DMD: variants seen among roughly 807,000 people sequenced by gnomAD.
DMD encodes the protein mutant dystrophin.
In DMD, 63 loss-of-function variants were observed where a neutral mutation model predicts 330.1. That is an observed-to-expected ratio of 0.19 (90% CI 0.16 to 0.24). The LOEUF (loss-of-function observed/expected upper bound fraction) is 0.24, where lower values mean the gene tolerates loss of function less well. Ranked by LOEUF, DMD falls within the 10% of genes least tolerant of loss-of-function variation. The pLI, the probability that DMD is intolerant of heterozygous loss-of-function variation, is 1.00. For synonymous variants in DMD, 1,223 were observed against 959.8 expected (o/e 1.27, Z -5.07); for missense variants, 3,344 against 2,684.1 (o/e 1.25, Z -5.43).
At chrX:32,394,711 A>C (rs757694215) in intron 30 of DMD, among the ~76,000 whole-genome samples, 78 of 109,956 alleles carry the variant, frequency 7.1e-4, no homozygotes, top group African/African-American at 2.5e-3. Context: ...AGACTGTGAA[A>C]GGAAACTGAT....
intron 17 of DMD, among the ~76,000 whole-genome samples, chrX:32,525,623 C>T (rs966854393): frequency 5.4e-5 from 6 of 111,224 alleles, no homozygotes; most frequent in Non-Finnish European, 9.4e-5. Context: ...TGTGGTTTGT[C>T]GTGTAGTTTT....
At chrX:32,702,938 C>T (rs924732131) in intron 7 of DMD, among the ~76,000 whole-genome samples, 8 of 111,360 alleles carry the variant, frequency 7.2e-5, no homozygotes, top group Admixed American at 9.6e-5. Context: ...GATTGTTCTG[C>T]AGCCATGGTA....
At chrX:31,358,630 A>G (rs953823610) in intron 60 of DMD, among the ~76,000 whole-genome samples, 4 of 112,655 alleles carry the variant, frequency 3.6e-5, no homozygotes, top group Admixed American at 9.4e-5. Context: ...AACGTATAGC[A>G]GTGAACTCCA....
At chrX:32,355,616 A>G (rs750292526) in intron 37 of DMD, among the ~76,000 whole-genome samples, 1 of 111,886 alleles carries the variant, frequency 8.9e-6, no homozygotes. Context: ...CGAAGTTTCA[A>G]TGGACTTAAC....
intron 62 of DMD, among the ~76,000 whole-genome samples, chrX:31,263,499 T>C (rs753748365): frequency 8.9e-6 from 1 of 112,032 alleles, no homozygotes; most frequent in Non-Finnish European, 1.9e-5. Context: ...TCGGCAAAAC[T>C]GAAAATCTCC....
At chrX:31,217,081 C>CT in intron 64 of DMD, among the ~76,000 whole-genome samples, 1 of 111,003 alleles carries the variant, frequency 9.0e-6, no homozygotes, top group East Asian at 2.8e-4. Context: ...TACAAGTTGG[C>CT]TTTTTAATTT....
intron 44 of DMD, among the ~76,000 whole-genome samples, chrX:32,049,492 A>G (rs767236526): frequency 2.7e-5 from 3 of 111,493 alleles, no homozygotes; most frequent in East Asian, 5.7e-4. Flanking sequence ...CTGGACCCCA[A>G]TTTCAAATAA....
At chrX:32,422,778 T>A in intron 29 of DMD, among the ~76,000 whole-genome samples, 1 of 111,720 alleles carries the variant, frequency 9.0e-6, no homozygotes, top group Middle Eastern at 4.6e-3. Context: ...TTTATCATTT[T>A]TTTTAAAAAA....
At chrX:31,470,601 G>A (rs775100922) in intron 59 of DMD, among the ~76,000 whole-genome samples, 1 of 112,318 alleles carries the variant, frequency 8.9e-6, no homozygotes, top group East Asian at 2.8e-4. Context: ...GCTGGGAGGT[G>A]TCTCCCAGTC....
chrX:31,376,776 C>G (rs1403534684), intron 60 of DMD, among the ~76,000 whole-genome samples: 1 of 112,245 alleles, frequency 8.9e-6, no homozygotes, highest in East Asian at 2.8e-4. Flanking sequence ...GTTGTTTCTT[C>G]TGTCCTAGTT....
At chrX:32,074,474 G>A (rs1050833819) in intron 44 of DMD, among the ~76,000 whole-genome samples, 2 of 112,125 alleles carry the variant, frequency 1.8e-5, no homozygotes, top group East Asian at 5.6e-4. Flanking sequence ...GCCTGTGTGC[G>A]TATGGCACAC....
In DMD at chrX:33,252,218, A is replaced by G. The variant is rs140512583; in HGVS notation, c.7+87041T>C. On this transcript the variant is annotated intron_variant, in intron 1 of 17. Transcript: ENST00000288447. ...GGAAGCTACAGTCAGATATTTTGAG[A>G]TGATTTACAGGAAAGCATAAAACAA... 8.0e-5 allele frequency among the ~76,000 whole-genome samples: 9 copies of G among 112,101 alleles called. No individual in the cohort carries two copies. The East Asian group carries it at 2.5e-3, about 31-fold the overall frequency.
At chrX:32,572,958 T>A (rs1430916823) in intron 15 of DMD, among the ~76,000 whole-genome samples, 1 of 111,398 alleles carries the variant, frequency 9.0e-6, no homozygotes, top group South Asian at 3.8e-4. Context: ...TGCAATGTGA[T>A]ATACACTGGC....
At chrX:32,843,038 C>G (rs1268427489) in intron 4 of DMD, among the ~76,000 whole-genome samples, 1 of 111,650 alleles carries the variant, frequency 9.0e-6, no homozygotes, top group East Asian at 2.8e-4. Context: ...GAACTCCTGA[C>G]CTCTGGTGAT....
chrX:33,102,338 T>A (rs1218159948), intron 1 of DMD, among the ~76,000 whole-genome samples: 1 of 107,497 alleles, frequency 9.3e-6, no homozygotes, highest in African/African-American at 3.4e-5. Context: ...TTTTAAGTAT[T>A]CCACTTTAAA....
intron 50 of DMD, among the ~76,000 whole-genome samples, chrX:31,813,865 C>A (rs1036074384): frequency 9.0e-6 from 1 of 111,631 alleles, no homozygotes; most frequent in South Asian, 3.8e-4. Flanking sequence ...GGGTAGCCCA[C>A]TAAGGGTCAA....
At chrX:31,369,320 A>G (rs898956902) in intron 60 of DMD, among the ~76,000 whole-genome samples, 1 of 112,019 alleles carries the variant, frequency 8.9e-6, no homozygotes, top group Non-Finnish European at 1.9e-5. Context: ...CTATAGGCGC[A>G]TTGTGGAAAA....
At chrX:31,242,986 ACAT>A (rs1167452412) in intron 63 of DMD, among the ~76,000 whole-genome samples, 3 of 111,796 alleles carry the variant, frequency 2.7e-5, no homozygotes, top group Non-Finnish European at 5.6e-5. Context: ...GAATTCTATC[ACAT>A]CATGAAGTCC....
intron 7 of DMD, among the ~76,000 whole-genome samples, chrX:32,699,539 T>A (rs1569469634): frequency 8.9e-6 from 1 of 111,735 alleles, no homozygotes; most frequent in Non-Finnish European, 1.9e-5. Context: ...CTTCATTCCA[T>A]ATTACTTTTT....
Sources: gnomAD v4.1 joint callset for allele counts (sites outside exome capture counted in the v4.1 genomes callset) on GRCh38, gnomAD v4.1.1 for gene constraint, MANE v1.5 for transcripts, NCBI Gene and HGNC (gene_info 2026-07-23, HGNC 2026-07-21) for gene names.